RASGRF2: variants seen among roughly 807,000 people sequenced by gnomAD.
The protein encoded by RASGRF2 is Ras protein specific guanine nucleotide releasing factor 2.
A neutral mutation model predicts 151.0 loss-of-function variants in RASGRF2; 76 were observed. That is an observed-to-expected ratio of 0.50 (90% confidence interval 0.42 to 0.61). RASGRF2 has a LOEUF of 0.61. RASGRF2 is among the 20% of genes least tolerant of loss of function. RASGRF2 has a pLI of 0.00. For synonymous variants in RASGRF2, 504 were observed against 566.5 expected (o/e 0.89, Z 1.57); for missense variants, 1,148 against 1,564.6 (o/e 0.73, Z 4.49).
chr5:81,203,278 A>C (rs920041923), intron 19 of RASGRF2, among the ~76,000 whole-genome samples: 6 of 152,248 alleles, frequency 3.9e-5, no homozygotes, highest in Non-Finnish European at 7.3e-5. Flanking sequence ...ATTTGACTAA[A>C]TAGCTATCAG....
At chr5:81,137,438 T>C (rs1753779683) in intron 17 of RASGRF2, among the ~76,000 whole-genome samples, 1 of 152,258 alleles carries the variant, frequency 6.6e-6, no homozygotes, top group South Asian at 2.1e-4. Flanking sequence ...CACTGTCTAA[T>C]AATTCCCAGG....
At chr5:81,010,109 G>A (rs201055899) in intron 1 of RASGRF2, among the ~76,000 whole-genome samples, 1 of 150,962 alleles carries the variant, frequency 6.6e-6, no homozygotes, top group East Asian at 1.9e-4. Flanking sequence ...AGCTGAGATC[G>A]TGCCACTGTA....
intron 25 of RASGRF2, among the ~76,000 whole-genome samples, chr5:81,217,774 G>A (rs1478878218): frequency 2.8e-5 from 4 of 144,964 alleles, no homozygotes; most frequent in Non-Finnish European, 4.5e-5. Flanking sequence ...ACAGAGTCTC[G>A]CTCTGTGGCC....
In RASGRF2 at chr5:81,038,201, T is replaced by C. The variant is rs187380592; in HGVS notation, c.289-4676T>C. On this transcript the variant is annotated intron_variant, in intron 1 of 26. Coordinates refer to ENST00000265080, the MANE Select transcript of RASGRF2 (RefSeq NM_006909.3). ...ATGTTTACTTGTACCAATATGTGAT[T>C]GTTTCTTTATGGTATATGTGGAGGA... Among the ~76,000 whole-genome samples the C allele has an allele frequency of 6.2e-3, 944 of 151,104 alleles. 9 individuals are homozygous for C. The highest frequency in any genetic ancestry group is 0.022 in the African/African-American group (920 of 41,520).
At chr5:81,110,458 G>C (rs1057455958) in intron 13 of RASGRF2, among the ~76,000 whole-genome samples, 1 of 152,182 alleles carries the variant, frequency 6.6e-6, no homozygotes, top group African/African-American at 2.4e-5. Flanking sequence ...TCACGATTTT[G>C]AAGGAAAGTG....
rs2004111 is a variant in RASGRF2 at position 80,969,986 on chromosome 5, C to T, written c.288+8960C>T. Reference sequence around the variant, plus strand: ...GGATTACAGGCATGCACCACCACCCCGACTAATTTTGTATTTTTAGTAGAG... The same window carrying T: ...GGATTACAGGCATGCACCACCACCCTGACTAATTTTGTATTTTTAGTAGAG... On this transcript the variant is annotated intron_variant, in intron 1 of 26. Coordinates refer to ENST00000265080, the MANE Select transcript of RASGRF2 (RefSeq NM_006909.3). 3.5e-3 allele frequency among the ~76,000 whole-genome samples: 537 copies of T among 151,822 alleles called. 6 individuals are homozygous for T. The highest frequency in any genetic ancestry group is 0.011 in the African/African-American group (456 of 41,412).
chr5:81,034,782 C>G (rs1321139036), intron 1 of RASGRF2, among the ~76,000 whole-genome samples: 2 of 121,292 alleles, frequency 1.6e-5, no homozygotes, highest in East Asian at 4.3e-4. Flanking sequence ...GGGAACATCA[C>G]ACTCTGGGGA....
At position 81,198,006 on chromosome 5, in the gene RASGRF2, G is replaced by C. The variant is rs115917933; in HGVS notation, c.2794-3324G>C. ...AAATTTTTTGAGAGAAAAATTGCCA[G>C]AATAAAAGAAAGTACACTGATACAC... On this transcript the variant is annotated intron_variant, in intron 18 of 26. Transcript: ENST00000265080. 4.9e-3 allele frequency among the ~76,000 whole-genome samples: 751 copies of C among 152,010 alleles called. 9 individuals carry two copies. Among genetic ancestry groups the C allele is most frequent in the African/African-American group, 0.017 (701 of 41,472 alleles).
intron 1 of RASGRF2, among the ~76,000 whole-genome samples, chr5:81,037,308 A>G (rs1750533101): frequency 6.6e-6 from 1 of 152,170 alleles, no homozygotes; most frequent in Non-Finnish European, 1.5e-5. Context: ...TTCTGCCCTA[A>G]TACTTGATTG....
chr5:80,998,615 T>C (rs1748973797), intron 1 of RASGRF2, among the ~76,000 whole-genome samples: 1 of 152,238 alleles, frequency 6.6e-6, no homozygotes, highest in Admixed American at 6.5e-5. Flanking sequence ...GTGACTTTCT[T>C]TTACATTTTC....
At chr5:81,217,574 CTTTTTT>C in intron 25 of RASGRF2, 101 bp downstream of exon 25, 57 of 179,704 alleles carry the variant, frequency 3.2e-4, no homozygotes, top group Admixed American at 1.2e-3. Context: ...TTTTTCTCTT[CTTTTTT>C]TTTTTTTTTT....
At chr5:81,107,226 G>T (rs1308723955) in intron 12 of RASGRF2, among the ~76,000 whole-genome samples, 3 of 150,942 alleles carry the variant, frequency 2.0e-5, no homozygotes, top group South Asian at 2.1e-4. Flanking sequence ...TCTCACTGTG[G>T]TAGCACACAC....
intron 18 of RASGRF2, among the ~76,000 whole-genome samples, chr5:81,182,944 C>G (rs1754950853): frequency 6.6e-6 from 1 of 152,204 alleles, no homozygotes. Context: ...CAACCCTCAC[C>G]CTTATTGTTT....
intron 3 of RASGRF2, among the ~76,000 whole-genome samples, chr5:81,068,625 T>G (rs1751684673): frequency 1.3e-5 from 2 of 152,182 alleles, no homozygotes. Flanking sequence ...CCTTCTCCCC[T>G]CCACAGTTTT....
rs1751664976 is a variant in RASGRF2 at position 81,068,118 on chromosome 5, C to T, written c.482C>T (p.Ala161Val). Residue 161 changes from alanine (A) to valine (V), a missense_variant, in exon 3 of 27, where the codon GCT (alanine) becomes GTT (valine). Coordinates refer to ENST00000265080, the MANE Select transcript of RASGRF2 (RefSeq NM_006909.3). ...ATCGTAGAGACAGAAAAAATTGCAGCTAACCAACTCCGACATCAACTTGAA... is the reference window on the plus strand; with the variant it reads ...ATCGTAGAGACAGAAAAAATTGCAGTTAACCAACTCCGACATCAACTTGAA... Reference protein sequence around the residue: ...VQIVETEKIAANQLRHQLEDQ... With the variant: ...VQIVETEKIAVNQLRHQLEDQ... 3.7e-6 allele frequency: 6 copies of T among 1,613,828 alleles called. No homozygotes were observed. Among genetic ancestry groups the T allele is most frequent in the Non-Finnish European group, 5.1e-6 (6 of 1,179,934 alleles).
chr5:81,180,146 A>C, intron 17 of RASGRF2, 29 bp from the exon 18 acceptor site: 1 of 1,385,200 alleles, frequency 7.2e-7, no homozygotes, highest in Non-Finnish European at 1.0e-6. Flanking sequence ...CTTTAACTGC[A>C]ACACGTGTGT....
intron 1 of RASGRF2, among the ~76,000 whole-genome samples, chr5:81,024,249 ATTTTTTTT>A (rs397884951): frequency 1.1e-4 from 8 of 71,690 alleles, no homozygotes; most frequent in Admixed American, 3.8e-4. Flanking sequence ...TATTCATATA[ATTTTTTTT>A]TTTTTTTTTT....
Position 81,113,681 on chromosome 5 carries a change from A to G in RASGRF2, c.2231A>G (p.Lys744Arg), listed in dbSNP as rs1385645164. The G allele has an allele frequency of 2.5e-6, 4 of 1,613,670 alleles. No individual in the cohort carries two copies. The Admixed American group carries it at 5.0e-5, about 20-fold the overall frequency. Reference sequence around the variant, plus strand: ...ACATCTTCCCCAGTGAGGGCCAGAAAGCTGTCTTTGACTTCTCCCTTGAAC... The same window carrying G: ...ACATCTTCCCCAGTGAGGGCCAGAAGGCTGTCTTTGACTTCTCCCTTGAAC... Reference protein sequence around the residue: ...SRTSSPVRARKLSLTSPLNSK... With the variant: ...SRTSSPVRARRLSLTSPLNSK... Residue 744 changes from lysine to arginine, a missense_variant, in exon 15 of 27, where the codon AAG (lysine) becomes AGG (arginine). By Grantham distance (26) the Lys-to-Arg change is conservative. This residue lies in a region of RASGRF2 where 646 missense variants were observed against 807.4 expected (regional missense o/e 0.80). Coordinates refer to ENST00000265080, the MANE Select transcript of RASGRF2 (RefSeq NM_006909.3).
chr5:81,136,959 T>A (rs1753769355), intron 17 of RASGRF2, among the ~76,000 whole-genome samples: 1 of 152,132 alleles, frequency 6.6e-6, no homozygotes. Flanking sequence ...GCATTTTCCT[T>A]TGATTCTTAG....
Sources: gnomAD v4.1 joint callset for allele counts (sites outside exome capture counted in the v4.1 genomes callset) on GRCh38, gnomAD v4.1.1 for gene constraint, gnomAD v4.1.1 regional missense constraint, MANE v1.5 for transcripts, NCBI Gene and HGNC (gene_info 2026-07-23, HGNC 2026-07-21) for gene names.